NQO2: variants seen among roughly 807,000 people sequenced by gnomAD.
NQO2 encodes the protein ribosyldihydronicotinamide dehydrogenase [quinone].
In NQO2, 18 loss-of-function variants were observed where a neutral mutation model predicts 22.0. The observed-to-expected ratio is 0.82, with a 90% confidence interval of 0.56 to 1.21. The LOEUF is 1.21. NQO2 is among the 50% of genes most tolerant of loss of function. The pLI is 0.00. For synonymous variants in NQO2, 106 were observed against 110.8 expected, an observed-to-expected ratio of 0.96 and a Z score of 0.28; for missense variants, 267 against 286.9, an observed-to-expected ratio of 0.93 and a Z score of 0.50.
At chr6:3,011,676 A>G (rs1407698909) in intron 3 of NQO2, among the ~76,000 whole-genome samples, 1 of 152,234 alleles carries the variant, frequency 6.6e-6, no homozygotes, top group Non-Finnish European at 1.5e-5. Flanking sequence ...GGTCAAGAAC[A>G]AAAAGAGGAT....
At chr6:3,013,112 C>T (rs1219778934) in intron 4 of NQO2, among the ~76,000 whole-genome samples, 3 of 151,756 alleles carry the variant, frequency 2.0e-5, no homozygotes, top group Non-Finnish European at 2.9e-5. Flanking sequence ...CCCGCCACCA[C>T]GCCCGGCTAG....
intron 5 of NQO2, 35 bp downstream of exon 5, chr6:3,015,678 T>A: frequency 6.3e-7 from 1 of 1,592,380 alleles, no homozygotes; most frequent in Non-Finnish European, 8.6e-7. Context: ...CTATGGATAG[T>A]TGGAGGGAGG....
intron 2 of NQO2, among the ~76,000 whole-genome samples, chr6:3,009,048 A>G (rs1757054435): frequency 6.6e-6 from 1 of 152,174 alleles, no homozygotes; most frequent in Non-Finnish European, 1.5e-5. Flanking sequence ...AGAGCAGACA[A>G]CCGATCTGAC....
At chr6:3,014,183 C>T (rs1757246570) in intron 4 of NQO2, among the ~76,000 whole-genome samples, 2 of 152,300 alleles carry the variant, frequency 1.3e-5, no homozygotes, top group Admixed American at 1.3e-4. Flanking sequence ...TTCATAAAAG[C>T]AACCTGCATG....
intron 6 of NQO2, among the ~76,000 whole-genome samples, chr6:3,017,718 C>G (rs1757384445): frequency 6.6e-6 from 1 of 152,144 alleles, no homozygotes; most frequent in African/African-American, 2.4e-5. Flanking sequence ...GGGGAGCAGA[C>G]TCCAGGTCAG....
Position 3,010,005 on chromosome 6 carries a change from T to A in NQO2, c.8-20T>A. 4 of 1,596,950 alleles carry A rather than the reference T, an allele frequency of 2.5e-6. No homozygotes were observed. The highest frequency in any genetic ancestry group is 3.4e-6 in the Non-Finnish European group (4 of 1,170,114). On this transcript the variant is annotated intron_variant, in intron 2 of 6. Transcript: ENST00000380455. ...AGAGAGGTTGTTCTTCAAGAGGAAC[T>A]GTTTCTTATCCTGATTTAGGTAAGA...
intron 6 of NQO2, among the ~76,000 whole-genome samples, chr6:3,017,358 T>A (rs1054765765): frequency 6.6e-6 from 1 of 152,132 alleles, no homozygotes; most frequent in Non-Finnish European, 1.5e-5. Flanking sequence ...GTGGAGGCCA[T>A]CCATATGGCT....
rs1756925226 is a variant in NQO2, at chr6:3,005,625, T to C, written c.-85-843T>C. 3.0e-6 allele frequency: 3 copies of C among 985,146 alleles called. No homozygotes were observed. The East Asian group carries it at 3.4e-4, about 112-fold the overall frequency. The allele number at this position is 985,146 out of a possible 1,614,324, so 61.0% of individuals were successfully genotyped here. A position where few individuals can be genotyped will look rare whatever the true frequency, so the allele number is the denominator to read the frequency against. On this transcript the variant is annotated intron_variant, in intron 1 of 6. Transcript: ENST00000380455. ...TGTTAAGTTTTATCTGAGCTGTTTT[T>C]TTATGGTAGGGAGAGTGGGTTTGTT...
At chr6:3,016,166 C>T (rs1332345436) in intron 5 of NQO2, among the ~76,000 whole-genome samples, 1 of 152,188 alleles carries the variant, frequency 6.6e-6, no homozygotes, top group Non-Finnish European at 1.5e-5. Context: ...TGCAGTGGCT[C>T]ACGCCTGTAA....
At chr6:3,009,937 C>T in intron 2 of NQO2, 88 bp from the exon 3 acceptor site, 1 of 1,506,272 alleles carries the variant, frequency 6.6e-7, no homozygotes, top group Non-Finnish European at 8.9e-7. Context: ...TATGATGCAC[C>T]TGAACATTCA....
At chr6:3,016,799 G>T in intron 5 of NQO2, 85 bp from the exon 6 acceptor site, 1 of 1,558,576 alleles carries the variant, frequency 6.4e-7, no homozygotes, top group Non-Finnish European at 8.7e-7. Flanking sequence ...CCTGCTGGCT[G>T]TGCTGAGCCC....
At chr6:3,012,945 A>C (rs909740140) in intron 4 of NQO2, among the ~76,000 whole-genome samples, 40 of 61,786 alleles carry the variant, frequency 6.5e-4, no homozygotes, top group African/African-American at 2.0e-3. Flanking sequence ...ATGTAACACT[A>C]CTTTTTTTTT....
At chr6:3,002,271 G>A (rs879510164) in intron 1 of NQO2, 12 of 973,954 alleles carry the variant, frequency 1.2e-5, no homozygotes, top group African/African-American at 1.8e-5. Context: ...CAGAAACACT[G>A]GCAACATTTA....
At chr6:3,004,942 A>ATG (rs1554107180) in intron 1 of NQO2, among the ~76,000 whole-genome samples, 8 of 151,818 alleles carry the variant, frequency 5.3e-5, no homozygotes, top group Non-Finnish European at 1.5e-5. Context: ...TTACAGGTGC[A>ATG]CACCACCACG....
intron 4 of NQO2, among the ~76,000 whole-genome samples, chr6:3,014,177 T>C (rs1442624477): frequency 6.6e-6 from 1 of 152,174 alleles, no homozygotes; most frequent in Non-Finnish European, 1.5e-5. Context: ...CAAGCCTTCA[T>C]AAAAGCAACC....
intron 2 of NQO2, 33 bp from the exon 3 acceptor site, chr6:3,009,992 C>T: frequency 6.3e-7 from 1 of 1,586,214 alleles, no homozygotes; most frequent in Non-Finnish European, 8.6e-7. Context: ...AGAGGTTGTT[C>T]TTCAAGAGGA....
At chr6:3,014,994 T>TA (rs900336727) in intron 4 of NQO2, 1 of 868,208 alleles carries the variant, frequency 1.2e-6, no homozygotes, top group Admixed American at 2.4e-5. Context: ...TGCCTATGTT[T>TA]ATTTCCCTTC....
intron 3 of NQO2, 22 bp from the exon 4 acceptor site, chr6:3,012,522 T>A (rs1287545839): frequency 6.2e-7 from 1 of 1,613,840 alleles, no homozygotes; most frequent in Non-Finnish European, 8.5e-7. Flanking sequence ...GGAGTGAGAA[T>A]GTTTGGCCTC....
chr6:3,008,370 G>C (rs1757019273), intron 2 of NQO2, among the ~76,000 whole-genome samples: 1 of 150,612 alleles, frequency 6.6e-6, no homozygotes, highest in South Asian at 2.1e-4. Context: ...AGTGAGCTGG[G>C]ATCGTTGCTC....
Sources: gnomAD v4.1 joint callset for allele counts (sites outside exome capture counted in the v4.1 genomes callset) on GRCh38, gnomAD v4.1.1 for gene constraint, MANE v1.5 for transcripts, NCBI Gene and HGNC (gene_info 2026-07-23, HGNC 2026-07-21) for gene names.